CROCC: variants seen among roughly 807,000 people sequenced by gnomAD.
CROCC encodes the protein ciliary rootlet coiled-coil, rootletin.
In CROCC, 180 loss-of-function variants were observed where a neutral mutation model predicts 245.2. The ratio of observed to expected loss-of-function variants is 0.73; its 90% CI spans 0.65 to 0.83. CROCC has a LOEUF of 0.83. Ranked by LOEUF, CROCC falls within the 40% of genes least tolerant of loss-of-function variation. CROCC has a pLI of 0.00. For synonymous variants in CROCC, 1,205 were observed against 1,241.6 expected (o/e 0.97, Z 0.62); for missense variants, 2,688 against 2,779.4 (o/e 0.97, Z 0.74).
intron 27 of CROCC, among the ~76,000 whole-genome samples, chr1:16,962,694 A>ATG (rs1230882490): frequency 2.5e-4 from 38 of 149,158 alleles, no homozygotes; most frequent in Admixed American, 1.7e-3. Flanking sequence ...ATTTTTGTGT[A>ATG]TGTGTGTGTG....
Position 16,966,033 on chromosome 1 carries a change from G to T in CROCC, c.4610G>T (p.Arg1537Leu), listed in dbSNP as rs754225369. The T allele has an allele frequency of 2.0e-5, 32 of 1,613,820 alleles. No individual in the cohort carries two copies. Among genetic ancestry groups the T allele is most frequent in the Middle Eastern group, 3.3e-4 (2 of 6,056 alleles). The change falls in exon 29 of 37, where the codon CGC becomes CTC. Residue 1537 changes from arginine to leucine, a missense_variant. Arg to Leu is a moderately radical substitution (Grantham distance 102, BLOSUM62 -2). Coordinates refer to ENST00000375541, the MANE Select transcript of CROCC (RefSeq NM_014675.5). The surrounding 1 kb of genome is among the most constrained non-coding windows in gnomAD (Gnocchi z 4.8). ...CGGACCCAGACCAGTGCCCTGAATC[G>T]CCAGCTGGCCGAGATGGAGGCTGAG... is the stretch of plus-strand genomic sequence containing the variant. ...ELRTQTSALN[R>L]QLAEMEAERD...
In CROCC at chr1:16,950,837, C is replaced by A. The variant is rs12084591; in HGVS notation, c.2837-116C>A. On this transcript the variant is annotated intron_variant, in intron 19 of 36. Coordinates refer to ENST00000375541, the MANE Select transcript of CROCC (RefSeq NM_014675.5). ...ACTTCAAGAGGACCCAAACTAGATG[C>A]CAGGCAGGCCCTCTGCCTCTGGGAT... is the stretch of plus-strand genomic sequence containing the variant. 7.0e-4 allele frequency: 586 copies of A among 838,964 alleles called. 2 individuals carry two copies. The African/African-American group carries it at 9.0e-3, about 13-fold the overall frequency. The allele number at this position is 838,964 out of a possible 1,614,324, so 52.0% of individuals were successfully genotyped here. A position where few individuals can be genotyped will look rare whatever the true frequency, so the allele number is the denominator to read the frequency against.
intron 13 of CROCC, 90 bp downstream of exon 13, chr1:16,940,183 C>T: frequency 1.5e-6 from 2 of 1,356,786 alleles, no homozygotes; most frequent in Non-Finnish European, 2.0e-6. Context: ...TGGCTCTGCA[C>T]TAATATGGTC....
chr1:16,955,014 G>A (rs1028532879), intron 23 of CROCC, 137 bp downstream of exon 23: 9 of 1,195,244 alleles, frequency 7.5e-6, no homozygotes, highest in Non-Finnish European at 9.1e-6. Context: ...ACTTAGAAAG[G>A]AGGCAGCAAG....
chr1:16,920,159 A>G (rs1196596761), upstream of CROCC, among the ~76,000 whole-genome samples: 2 of 152,182 alleles, frequency 1.3e-5, no homozygotes, highest in Non-Finnish European at 2.9e-5. Flanking sequence ...CCTCACTGCA[A>G]CCTCTGCCTC....
chr1:16,946,542 C>CTCTG (rs1335748072), intron 16 of CROCC, 137 bp downstream of exon 16: 3 of 1,332,568 alleles, frequency 2.3e-6, no homozygotes, highest in Admixed American at 2.1e-5. Context: ...GTCTCTGGTT[C>CTCTG]TCTGTCTGTC....
intron 32 of CROCC, 96 bp from the exon 33 acceptor site, chr1:16,969,689 T>G (rs2076480684): frequency 6.7e-7 from 1 of 1,492,612 alleles, no homozygotes; most frequent in Admixed American, 2.2e-5. Context: ...GATGACTGCC[T>G]GTTTTATGCT....
At chr1:16,937,314 C>G (rs1483160001) in intron 9 of CROCC, among the ~76,000 whole-genome samples, 1 of 151,004 alleles carries the variant, frequency 6.6e-6, no homozygotes, top group East Asian at 1.9e-4. Flanking sequence ...GATCACATCT[C>G]TGTATTCCGG....
intron 36 of CROCC, among the ~76,000 whole-genome samples, chr1:16,972,057 C>A (rs1265958915): frequency 1.3e-5 from 2 of 152,364 alleles, no homozygotes; most frequent in Non-Finnish European, 2.9e-5. Flanking sequence ...GGCAAGGCTT[C>A]TCTGCTAGGC....
At chr1:16,969,718 G>A (rs780622593) in intron 32 of CROCC, 67 bp from the exon 33 acceptor site, 1 of 1,553,194 alleles carries the variant, frequency 6.4e-7, no homozygotes, top group African/African-American at 1.4e-5. Flanking sequence ...CTGTCCAGAG[G>A]TACAGAATAG....
Position 16,966,235 on chromosome 1 carries a change from T to A in CROCC, c.4696+116T>A. ...GCCCCCATGACCTGACTCGGGGCTG[T>A]CTCCAAGAGGACCCTCCTTGGACAG... On this transcript the variant is annotated intron_variant, in intron 29 of 36. Coordinates refer to ENST00000375541, the MANE Select transcript of CROCC (RefSeq NM_014675.5). The surrounding 1 kb of genome is among the most constrained non-coding windows in gnomAD (Gnocchi z 4.8). The A allele has an allele frequency of 6.8e-7, 1 of 1,472,908 alleles. No individual in the cohort carries two copies. Among genetic ancestry groups the A allele is most frequent in the Non-Finnish European group, 9.1e-7 (1 of 1,104,658 alleles). The allele number at this position is 1,472,908 out of a possible 1,614,324, so 91.2% of individuals were successfully genotyped here. A position where few individuals can be genotyped will look rare whatever the true frequency, so the allele number is the denominator to read the frequency against.
In CROCC at chr1:16,965,992, G is replaced by T. The variant is rs746486988; in HGVS notation, c.4576-7G>T. The T allele has an allele frequency of 4.3e-6, 7 of 1,611,272 alleles. No homozygotes were observed. Among genetic ancestry groups the T allele is most frequent in the Non-Finnish European group, 5.1e-6 (6 of 1,177,900 alleles). On this transcript the variant is annotated splice_region_variant and splice_polypyrimidine_tract_variant and intron_variant, in intron 28 of 36. Coordinates refer to ENST00000375541, the MANE Select transcript of CROCC (RefSeq NM_014675.5). ...TCTGTCTTTGTTCCCCCATGTCGGG[G>T]CTACAGGACGAACTTCGGACCCAGA...
At chr1:16,931,908 C>T (rs1329286432) in intron 8 of CROCC, among the ~76,000 whole-genome samples, 4 of 152,082 alleles carry the variant, frequency 2.6e-5, no homozygotes, top group Non-Finnish European at 5.9e-5. Flanking sequence ...AGGCACATGC[C>T]GCCACACCCA....
At chr1:16,917,309 G>A (rs1570565852), upstream of CROCC, among the ~76,000 whole-genome samples, 1 of 152,414 alleles carries the variant, frequency 6.6e-6, no homozygotes, top group Non-Finnish European at 1.5e-5. Flanking sequence ...CAGATGTAAC[G>A]TTTTGGGCAC....
chr1:16,921,801 C>T (rs1422906543), upstream of CROCC: 3 of 570,416 alleles, frequency 5.3e-6, no homozygotes, highest in Non-Finnish European at 9.4e-6. Context: ...CCTTTGGCTC[C>T]CTGCCTCTGC....
intron 25 of CROCC, among the ~76,000 whole-genome samples, chr1:16,958,235 G>A (rs76912522): frequency 0.012 from 1,796 of 152,256 alleles, 18 homozygotes; most frequent in Middle Eastern, 0.031. Flanking sequence ...CATGGTAAGC[G>A]CTCCAAAAAC....
At chr1:16,919,876 G>C (rs545761639), upstream of CROCC, among the ~76,000 whole-genome samples, 2 of 152,312 alleles carry the variant, frequency 1.3e-5, no homozygotes, top group African/African-American at 4.8e-5. Context: ...CACCACACTC[G>C]GTCTAGTCTC....
rs764942062 is a variant in CROCC, at chr1:16,946,857, C to A, written c.2380C>A (p.Arg794=). 1.9e-6 allele frequency: 3 copies of A among 1,555,942 alleles called. No homozygotes were observed. Among genetic ancestry groups the A allele is most frequent in the Non-Finnish European group, 2.6e-6 (3 of 1,149,732 alleles). The change falls in exon 17 of 37, where the codon CGG becomes AGG. Residue 794 remains arginine, a synonymous_variant. Coordinates refer to ENST00000375541, the MANE Select transcript of CROCC (RefSeq NM_014675.5). The stretch of plus-strand genomic sequence containing the variant: ...AGAGCAGGAACGGCTAGAGGAGCTG[C>A]GGTTGGAGCAGGAGGTGGCGCGGCA... The part of the protein sequence containing the change: ...REEQERLEEL[R]LEQEVARQGL...
At chr1:16,915,024 C>G (rs1186088062) in intron 1 of CROCC, among the ~76,000 whole-genome samples, 1 of 152,258 alleles carries the variant, frequency 6.6e-6, no homozygotes, top group African/African-American at 2.4e-5. Context: ...CAGGAGTCAA[C>G]CCCTGGATCT....
Sources: gnomAD v4.1 joint callset for allele counts (sites outside exome capture counted in the v4.1 genomes callset) on GRCh38, gnomAD v4.1.1 for gene constraint, Gnocchi (gnomAD v3.1) non-coding constraint, MANE v1.5 for transcripts, NCBI Gene and HGNC (gene_info 2026-07-23, HGNC 2026-07-21) for gene names.